Variants in OSBPL9 observed in about 807,000 individuals in gnomAD.
OSBPL9 encodes oxysterol binding protein like 9.
A neutral mutation model predicts 106.6 loss-of-function variants in OSBPL9; 40 were observed. The ratio of observed to expected loss-of-function variants is 0.38; its 90% CI spans 0.29 to 0.49. The LOEUF (loss-of-function observed/expected upper bound fraction) is 0.49. Ranked by LOEUF, OSBPL9 falls within the 20% of genes least tolerant of loss-of-function variation. The pLI is 0.97. For missense variants in OSBPL9, 609 were observed against 887.2 expected (o/e 0.69, Z 3.98); for synonymous variants, 269 against 295.4 (o/e 0.91, Z 0.92).
chr1:51,684,695 T>C (rs758051599), intron 3 of OSBPL9, among the ~76,000 whole-genome samples: 1 of 151,946 alleles, frequency 6.6e-6, no homozygotes, highest in African/African-American at 2.4e-5. Context: ...CACACCTGGC[T>C]AATTTTTCTT....
At chr1:51,604,780 A>G (rs1643930318) in intron 2 of OSBPL9, among the ~76,000 whole-genome samples, 1 of 151,844 alleles carries the variant, frequency 6.6e-6, no homozygotes, top group South Asian at 2.1e-4. Context: ...CAGCCTCCCA[A>G]GTAGCTGGGA....
chr1:51,673,563 AACAC>A (rs1650439281), intron 3 of OSBPL9, among the ~76,000 whole-genome samples: 1 of 152,242 alleles, frequency 6.6e-6, no homozygotes, highest in South Asian at 2.1e-4. Flanking sequence ...AATGGGATCT[AACAC>A]ACAGGTGGGA....
chr1:51,691,507 C>T (rs950850246), intron 3 of OSBPL9, among the ~76,000 whole-genome samples: 1 of 151,646 alleles, frequency 6.6e-6, no homozygotes, highest in South Asian at 2.1e-4. Flanking sequence ...AGGCTGGTCT[C>T]GAACGCCTGA....
At chr1:51,637,940 C>T (rs1195228251) in intron 1 of OSBPL9, among the ~76,000 whole-genome samples, 2 of 152,178 alleles carry the variant, frequency 1.3e-5, no homozygotes, top group African/African-American at 4.8e-5. Context: ...GTCAAAAAAA[C>T]TTCTATCCTT....
intron 4 of OSBPL9, among the ~76,000 whole-genome samples, chr1:51,742,394 A>G (rs1020631788): frequency 8.5e-5 from 13 of 152,138 alleles, no homozygotes; most frequent in African/African-American, 3.1e-4. Context: ...CACCCTCAAT[A>G]TGGTAAAGGA....
intron 1 of OSBPL9, among the ~76,000 whole-genome samples, chr1:51,632,846 A>G (rs1286955920): frequency 6.6e-6 from 1 of 152,182 alleles, no homozygotes; most frequent in African/African-American, 2.4e-5. Context: ...ATCCTCTGTG[A>G]CTAGTTAAAA....
intron 12 of OSBPL9, among the ~76,000 whole-genome samples, chr1:51,768,812 C>G (rs957929121): frequency 2.0e-5 from 3 of 152,218 alleles, no homozygotes; most frequent in Non-Finnish European, 4.4e-5. Flanking sequence ...AAGGTTCCTT[C>G]TATGCTCTCC....
the OSBPL9 span, among the ~76,000 whole-genome samples, chr1:51,553,768 TC>T: frequency 1.3e-5 from 2 of 151,982 alleles, no homozygotes; most frequent in African/African-American, 4.8e-5. Flanking sequence ...AACCTCCGCC[TC>T]CCGTGTTCAA....
rs557157910 is a variant in OSBPL9 at position 51,781,266 on chromosome 1, A to C, written c.1359A>C (p.Pro453=). Residue 453 remains proline, a synonymous_variant, in exon 16 of 24, where the codon CCA becomes CCC. Transcript: ENST00000428468. ...AGRKGSVAKK[P]YNPILGEIFQ... ...GGAAAGGATCAGTTGCCAAAAAGCC[A>C]TACAATCCCATTTTGGGCGAGATTT... is the stretch of plus-strand genomic sequence containing the variant. The C allele has an allele frequency of 1.9e-6, 3 of 1,614,218 alleles. No individual in the cohort carries two copies. Among genetic ancestry groups the C allele is most frequent in the Non-Finnish European group, 2.5e-6 (3 of 1,180,028 alleles).
intron 2 of OSBPL9, among the ~76,000 whole-genome samples, chr1:51,661,164 G>C (rs1647123961): frequency 6.6e-6 from 1 of 152,144 alleles, no homozygotes; most frequent in African/African-American, 2.4e-5. Flanking sequence ...AATGGGAGTA[G>C]CTATGCTGTG....
intron 20 of OSBPL9, chr1:51,784,842 T>TAGGA: frequency 8.6e-6 from 4 of 464,124 alleles, no homozygotes; most frequent in Non-Finnish European, 1.5e-5. Flanking sequence ...GAGGCCTTCC[T>TAGGA]AGGTTGCCTA....
At chr1:51,667,406 TCTA>T (rs1235811762) in intron 2 of OSBPL9, among the ~76,000 whole-genome samples, 1 of 152,160 alleles carries the variant, frequency 6.6e-6, no homozygotes, top group African/African-American at 2.4e-5. Context: ...CAACCACTAA[TCTA>T]CTGTCAGTCT....
chr1:51,758,185 T>G (rs2149053692), intron 9 of OSBPL9, among the ~76,000 whole-genome samples: 1 of 152,202 alleles, frequency 6.6e-6, no homozygotes, highest in South Asian at 2.1e-4. Flanking sequence ...TTACAACAAA[T>G]TTAATCATAG....
At chr1:51,740,295 A>G in intron 4 of OSBPL9, 1 of 1,366,616 alleles carries the variant, frequency 7.3e-7, no homozygotes, top group Non-Finnish European at 9.5e-7. Flanking sequence ...TCAAATTGCT[A>G]ATTGTGAACA....
At chr1:51,715,743 A>G (rs529044943) in intron 4 of OSBPL9, among the ~76,000 whole-genome samples, 5 of 152,276 alleles carry the variant, frequency 3.3e-5, no homozygotes, top group Admixed American at 2.6e-4. Context: ...CTAGAGTGCT[A>G]TTGCTTACTT....
At chr1:51,722,065 A>G (rs1467915336) in intron 4 of OSBPL9, among the ~76,000 whole-genome samples, 5 of 152,230 alleles carry the variant, frequency 3.3e-5, no homozygotes, top group African/African-American at 1.2e-4. Context: ...GGCTCACGCC[A>G]CTAATCCCAG....
intron 3 of OSBPL9, among the ~76,000 whole-genome samples, chr1:51,711,657 G>A (rs1489019446): frequency 7.0e-5 from 10 of 141,900 alleles, no homozygotes; most frequent in Admixed American, 4.1e-4. Flanking sequence ...CTTCTCAGAC[G>A]GGGTGGTTGC....
chr1:51,542,365 C>A, the OSBPL9 span, among the ~76,000 whole-genome samples: 1 of 152,194 alleles, frequency 6.6e-6, no homozygotes, highest in African/African-American at 2.4e-5. Flanking sequence ...TCCCAGATCT[C>A]TAGACTCCCA....
At chr1:51,554,399 T>C in the OSBPL9 span, among the ~76,000 whole-genome samples, 3 of 151,966 alleles carry the variant, frequency 2.0e-5, no homozygotes, top group Non-Finnish European at 4.4e-5. Context: ...TAAAGAAAAA[T>C]ATAAGAGACT....
Sources: allele counts gnomAD v4.1 joint callset (sites outside exome capture counted in the v4.1 genomes callset), GRCh38; gene constraint gnomAD v4.1.1; transcripts MANE v1.5; gene names NCBI Gene and HGNC (gene_info 2026-07-23, HGNC 2026-07-21).